The following ARF3 variants were observed in gnomAD, a reference collection of about 807,000 sequenced individuals.
The protein encoded by ARF3 is ADP-ribosylation factor 3.
Under a neutral mutation model 19.3 loss-of-function variants are expected in ARF3, and 5 were observed. That is an observed-to-expected ratio of 0.26 (90% CI 0.14 to 0.54). The LOEUF (loss-of-function observed/expected upper bound fraction) is 0.54, where lower values mean the gene tolerates loss of function less well. Ranked by LOEUF, ARF3 falls within the 20% of genes least tolerant of loss-of-function variation. The pLI is 0.95. For missense variants in ARF3, 77 were observed against 234.2 expected (o/e 0.33, Z 4.38); for synonymous variants, 71 against 89.2 (o/e 0.80, Z 1.15).
In ARF3 at chr12:48,940,901, T is replaced by C. The variant is rs748765279; in HGVS notation, c.148+47A>G. 6 of 1,518,148 alleles carry C rather than the reference T, an allele frequency of 4.0e-6. No homozygotes were observed. In the East Asian group the frequency reaches 1.2e-4, roughly 31 times the overall value. The allele number at this position is 1,518,148 out of a possible 1,614,324, so 94.0% of individuals were successfully genotyped here. A position where few individuals can be genotyped will look rare whatever the true frequency, so the allele number is the denominator to read the frequency against. On this transcript the variant is annotated intron_variant, in intron 2 of 4. Transcript: ENST00000256682. ...GGGAACCAGGAATAGGTCCCTGCCC[T>C]GCCTCAGCTGCCGGCGTGAAAGCCC...
At position 48,941,059 on chromosome 12, in the gene ARF3, T is replaced by C. The variant is rs142500831; in HGVS notation, c.37A>G (p.Ile13Val). The C allele has an allele frequency of 4.3e-6, 7 of 1,613,816 alleles. No homozygotes were observed. The highest frequency in any genetic ancestry group is 5.9e-6 in the Non-Finnish European group (7 of 1,179,936). Residue 13 changes from isoleucine to valine, a missense_variant, in exon 2 of 5, where the codon ATT (isoleucine) becomes GTT (valine). Coordinates refer to ENST00000256682, the MANE Select transcript of ARF3 (RefSeq NM_001659.3). ...NIFGNLLKSLIGKKEMRILMV... is the reference protein window; with the variant it reads ...NIFGNLLKSLVGKKEMRILMV... ...AGGATGCGCATCTCCTTCTTCCCAA[T>C]CAGGCTCTTGAGAAGGTTTCCAAAG...
At position 48,938,872 on chromosome 12, in the gene ARF3, A is replaced by C; in HGVS notation, c.*75T>G. 1 of 1,539,902 alleles carries C rather than the reference A, an allele frequency of 6.5e-7. No individual in the cohort carries two copies. The highest frequency in any genetic ancestry group is 1.4e-5 in the African/African-American group (1 of 71,846). On this transcript the variant is annotated 3_prime_UTR_variant, in exon 5 of 5. Transcript: ENST00000256682. ...CCTGGCCACACTTGCATGGAGAGGA[A>C]GGGGTAGGACTGGGGCAGGGTGACA...
At chr12:48,948,080 C>T (rs926033820) in intron 1 of ARF3, among the ~76,000 whole-genome samples, 2 of 151,634 alleles carry the variant, frequency 1.3e-5, no homozygotes, top group African/African-American at 4.8e-5. Context: ...TGGTGCACGC[C>T]TGTAGTCCCA....
At chr12:48,949,913 G>A (rs1940433159) in intron 1 of ARF3, among the ~76,000 whole-genome samples, 1 of 152,164 alleles carries the variant, frequency 6.6e-6, no homozygotes, top group African/African-American at 2.4e-5. Flanking sequence ...TGATGTAGAA[G>A]GATGAGAAGC....
At position 48,939,231 on chromosome 12, in the gene ARF3, G is replaced by T; in HGVS notation, c.385-123C>A. 8.7e-7 allele frequency: 1 copy of T among 1,151,686 alleles called. No individual in the cohort carries two copies. The highest frequency in any genetic ancestry group is 1.2e-6 in the Non-Finnish European group (1 of 831,650). 71.3% of individuals were successfully genotyped at this position (1,151,686 alleles called of 1,614,324 possible). On this transcript the variant is annotated intron_variant, in intron 4 of 4. Transcript: ENST00000256682. The surrounding 1 kb of genome is among the most constrained non-coding windows in gnomAD (Gnocchi z 4.8). ...CTCCTCCTTTATTTTAGGAAACCCA[G>T]AACAAGATCCTAAGGAGCTACTTTG...
chr12:48,946,772 T>C (rs1453937617), intron 1 of ARF3, among the ~76,000 whole-genome samples: 3 of 152,250 alleles, frequency 2.0e-5, no homozygotes, highest in Non-Finnish European at 4.4e-5. Context: ...TCAGCCATCT[T>C]TCCTTACATA....
At chr12:48,945,991 C>T (rs936376243) in intron 1 of ARF3, among the ~76,000 whole-genome samples, 3 of 152,044 alleles carry the variant, frequency 2.0e-5, no homozygotes, top group Non-Finnish European at 2.9e-5. Flanking sequence ...TTAGTAGAGA[C>T]GGGGTTTTGC....
intron 1 of ARF3, among the ~76,000 whole-genome samples, chr12:48,952,168 C>G (rs1171540841): frequency 6.6e-6 from 1 of 152,184 alleles, no homozygotes; most frequent in Non-Finnish European, 1.5e-5. Context: ...AGGCAAAGAA[C>G]AATCCTGGAA....
chr12:48,955,253 TATA>T (rs1940542123), intron 1 of ARF3, among the ~76,000 whole-genome samples: 1 of 152,196 alleles, frequency 6.6e-6, no homozygotes, highest in African/African-American at 2.4e-5. Flanking sequence ...TTGCATTCAG[TATA>T]ATAATAGCAG....
intron 1 of ARF3, among the ~76,000 whole-genome samples, chr12:48,948,164 C>T (rs981748409): frequency 6.0e-5 from 9 of 151,122 alleles, no homozygotes; most frequent in African/African-American, 2.2e-4. Flanking sequence ...ATGATCACGC[C>T]ACTGCACTCC....
At chr12:48,951,563 C>T (rs1217974482) in intron 1 of ARF3, among the ~76,000 whole-genome samples, 17 of 144,718 alleles carry the variant, frequency 1.2e-4, no homozygotes, top group African/African-American at 3.6e-4. Flanking sequence ...AACTCCATCA[C>T]AAAAATAAAT....
At chr12:48,948,877 G>A (rs1940411327) in intron 1 of ARF3, among the ~76,000 whole-genome samples, 1 of 152,200 alleles carries the variant, frequency 6.6e-6, no homozygotes, top group Non-Finnish European at 1.5e-5. Context: ...ACTGGATCAT[G>A]AAGGGCTTTA....
Position 48,941,057 on chromosome 12 carries a change from A to T in ARF3, c.39T>A (p.Ile13=). 6.2e-7 allele frequency: 1 copy of T among 1,613,870 alleles called. No homozygotes were observed. Among genetic ancestry groups the T allele is most frequent in the Non-Finnish European group, 8.5e-7 (1 of 1,179,928 alleles). Residue 13 remains isoleucine, a synonymous_variant, in exon 2 of 5, where the codon ATT becomes ATA. Coordinates refer to ENST00000256682, the MANE Select transcript of ARF3 (RefSeq NM_001659.3). ...NIFGNLLKSL[I]GKKEMRILMV... Reference sequence around the variant, plus strand: ...TCAGGATGCGCATCTCCTTCTTCCCAATCAGGCTCTTGAGAAGGTTTCCAA... The same window carrying T: ...TCAGGATGCGCATCTCCTTCTTCCCTATCAGGCTCTTGAGAAGGTTTCCAA...
At chr12:48,950,897 T>C (rs10875900) in intron 1 of ARF3, among the ~76,000 whole-genome samples, 49,519 of 152,002 alleles carry the variant, frequency 0.33, 9,112 homozygotes, top group Admixed American at 0.48. Flanking sequence ...CCGATTCTCC[T>C]GCCTCAGCCT....
At chr12:48,957,002 T>C (rs76233821) in intron 1 of ARF3, 3,490 of 152,698 alleles carry the variant, frequency 0.023, 138 homozygotes, top group African/African-American at 0.078. Context: ...CGGACGGTTT[T>C]CCTCTCCCTC....
chr12:48,941,146 G>A lies in ARF3; in HGVS notation c.-51C>T, dbSNP rs1390140193. The A allele has an allele frequency of 1.3e-6, 2 of 1,569,688 alleles. No homozygotes were observed. Among genetic ancestry groups the A allele is most frequent in the Admixed American group, 1.8e-5 (1 of 56,408 alleles). The stretch of plus-strand genomic sequence containing the variant: ...CAGTGGGGCCCAAGTAGGGGCAGTG[G>A]CAGTCTGGTTTTGGCCTGGTCCCTG... On this transcript the variant is annotated 5_prime_UTR_variant, in exon 2 of 5. Coordinates refer to ENST00000256682, the MANE Select transcript of ARF3 (RefSeq NM_001659.3).
chr12:48,937,203 A>C lies in ARF3; in HGVS notation c.*1744T>G, dbSNP rs1356233247. ...GGTTACTAATATTGATCCATCTGCT[A>C]TCAACAAAAGTGGCCAGGAAACCTG... On this transcript the variant is annotated 3_prime_UTR_variant, in exon 5 of 5. Transcript: ENST00000256682. The C allele has an allele frequency of 2.0e-5, 3 of 152,250 alleles. No individual in the cohort carries two copies. Among genetic ancestry groups the C allele is most frequent in the Non-Finnish European group, 4.4e-5 (3 of 68,058 alleles). The allele number at this position is 152,250 out of a possible 1,614,324, so 9.4% of individuals were successfully genotyped here. A position where few individuals can be genotyped will look rare whatever the true frequency, so the allele number is the denominator to read the frequency against.
intron 1 of ARF3, among the ~76,000 whole-genome samples, chr12:48,952,143 G>A (rs2137594950): frequency 6.6e-6 from 1 of 152,286 alleles, no homozygotes; most frequent in East Asian, 1.9e-4. Context: ...GAATTGTTAT[G>A]CCAGCTTCCC....
chr12:48,946,079 A>G (rs1940353094), intron 1 of ARF3, among the ~76,000 whole-genome samples: 1 of 152,230 alleles, frequency 6.6e-6, no homozygotes, highest in Admixed American at 6.5e-5. Flanking sequence ...CTGGGATTAC[A>G]GGCACGACCC....
Sources: allele counts gnomAD v4.1 joint callset (sites outside exome capture counted in the v4.1 genomes callset), GRCh38; gene constraint gnomAD v4.1.1; non-coding constraint Gnocchi (gnomAD v3.1); transcripts MANE v1.5; gene names NCBI Gene and HGNC (gene_info 2026-07-23, HGNC 2026-07-21).